The following DPH6 variants were observed in gnomAD, a reference collection of about 807,000 sequenced individuals.
DPH6 encodes diphthine--ammonia ligase.
A neutral mutation model predicts 38.2 loss-of-function variants in DPH6; 33 were observed. That is an observed-to-expected ratio of 0.86 (90% CI 0.65 to 1.15). The LOEUF (loss-of-function observed/expected upper bound fraction) is 1.15. Ranked by LOEUF, DPH6 falls within the 50% of genes most tolerant of loss-of-function variation. DPH6 has a pLI of 0.00. For synonymous variants in DPH6, 108 were observed against 103.0 expected (o/e 1.05, Z -0.30); for missense variants, 325 against 320.0 (o/e 1.02, Z -0.12).
At chr15:35,409,754 A>C (rs1265743326) in intron 6 of DPH6, among the ~76,000 whole-genome samples, 3 of 151,960 alleles carry the variant, frequency 2.0e-5, no homozygotes, top group Non-Finnish European at 4.4e-5. Context: ...CCTATCACAT[A>C]AGCATAGAAA....
intron 3 of DPH6, among the ~76,000 whole-genome samples, chr15:35,528,095 A>G (rs1258658829): frequency 6.6e-6 from 1 of 152,190 alleles, no homozygotes; most frequent in Admixed American, 6.6e-5. Flanking sequence ...TATCAAAAAT[A>G]ATGCAATAAT....
Position 35,373,593 on chromosome 15 carries a change from T to C in DPH6, c.678A>G (p.Val226=), listed in dbSNP as rs758533222. 1 of 1,608,416 alleles carries C rather than the reference T, an allele frequency of 6.2e-7. No individual in the cohort carries two copies. The highest frequency in any genetic ancestry group is 1.1e-5 in the South Asian group (1 of 90,124). Residue 226 remains valine, a synonymous_variant, in exon 8 of 9, where the codon GTA becomes GTG. Coordinates refer to ENST00000256538, the MANE Select transcript of DPH6 (RefSeq NM_080650.4). ...CAAATGCATCAGCTGAATGTATGAC[T>C]ACTTCTGATGAATCCCTGAAATACA... ...KKKIIVDSSE[V]VIHSADAFAP...
At chr15:35,295,602 C>T (rs2052009437) in intron 3 of DPH6, among the ~76,000 whole-genome samples, 1 of 152,176 alleles carries the variant, frequency 6.6e-6, no homozygotes, top group African/African-American at 2.4e-5. Flanking sequence ...ATCCATCTGA[C>T]ACTGTGGACT....
At chr15:35,234,813 G>T (rs1163136151) in intron 3 of DPH6, among the ~76,000 whole-genome samples, 1 of 152,184 alleles carries the variant, frequency 6.6e-6, no homozygotes, top group Non-Finnish European at 1.5e-5. Context: ...CTTGGTGCTT[G>T]GTGGTATGGG....
At chr15:35,285,144 T>C (rs932555001) in intron 3 of DPH6, among the ~76,000 whole-genome samples, 1 of 152,156 alleles carries the variant, frequency 6.6e-6, no homozygotes, top group Non-Finnish European at 1.5e-5. Context: ...ATTTGAGATA[T>C]CTCCCTGGTC....
intron 6 of DPH6, among the ~76,000 whole-genome samples, chr15:35,406,738 T>C (rs943571314): frequency 2.0e-5 from 3 of 151,956 alleles, no homozygotes; most frequent in Non-Finnish European, 4.4e-5. Flanking sequence ...AAAAATGGCA[T>C]AGATAAGTTA....
In DPH6 at chr15:35,241,019, A is replaced by C. The variant is rs546573205; in HGVS notation, n.201-20437T>G. Among the ~76,000 whole-genome samples the C allele has an allele frequency of 2.8e-5, 4 of 143,314 alleles. 1 individual carries two copies. In the East Asian group the frequency reaches 8.8e-4, roughly 31 times the overall value. The allele number at this position is 143,314 out of a possible 152,430, so 94.0% of individuals were successfully genotyped here. On this transcript the variant is annotated intron_variant and non_coding_transcript_variant, in intron 3 of 3. Transcript: ENST00000560386. The stretch of plus-strand genomic sequence containing the variant: ...CCGCAGCGGCCAGGTGTTCCTCCAG[A>C]ACCTCCTCCCACAGGAGCTTGCTAC...
intron 3 of DPH6, among the ~76,000 whole-genome samples, chr15:35,362,186 G>A (rs140705958): frequency 6.6e-6 from 1 of 152,310 alleles, no homozygotes; most frequent in Non-Finnish European, 1.5e-5. Context: ...TTCACAAGGA[G>A]AGAAGTTTTC....
At chr15:35,216,787 GTA>G (rs2051412650), downstream of DPH6, among the ~76,000 whole-genome samples, 1 of 152,190 alleles carries the variant, frequency 6.6e-6, no homozygotes, top group South Asian at 2.1e-4. Context: ...CAGTAAAAAG[GTA>G]CCACAATTGA....
chr15:35,473,953 T>C (rs1434058955), intron 3 of DPH6, among the ~76,000 whole-genome samples: 33 of 25,062 alleles, frequency 1.3e-3, no homozygotes, highest in East Asian at 4.3e-3. Flanking sequence ...TGTGTGTGTG[T>C]GTGTGCGCGC....
chr15:35,375,707 T>C (rs2052770206), intron 7 of DPH6, among the ~76,000 whole-genome samples: 1 of 152,108 alleles, frequency 6.6e-6, no homozygotes, highest in Admixed American at 6.6e-5. Flanking sequence ...CTTTCATTAC[T>C]ACACTAGGCT....
At chr15:35,523,486 T>C (rs1170270499) in intron 3 of DPH6, among the ~76,000 whole-genome samples, 1 of 151,884 alleles carries the variant, frequency 6.6e-6, no homozygotes, top group African/African-American at 2.4e-5. Context: ...TTTATAACAT[T>C]ATATTATAGA....
chr15:35,483,133 G>C (rs1367508679), intron 3 of DPH6, among the ~76,000 whole-genome samples: 1 of 151,982 alleles, frequency 6.6e-6, no homozygotes, highest in African/African-American at 2.4e-5. Flanking sequence ...TATATAAAAA[G>C]ATACTCAGCA....
chr15:35,507,536 A>G (rs1566934782), intron 3 of DPH6, among the ~76,000 whole-genome samples: 2 of 152,130 alleles, frequency 1.3e-5, no homozygotes, highest in African/African-American at 4.8e-5. Flanking sequence ...TGAAATAAAA[A>G]TTAACATTAA....
chr15:35,522,800 T>C (rs915517259), intron 3 of DPH6, among the ~76,000 whole-genome samples: 1 of 152,126 alleles, frequency 6.6e-6, no homozygotes, highest in African/African-American at 2.4e-5. Context: ...AGACTTAAAA[T>C]ATATCCTACA....
At chr15:35,541,545 T>C (rs530931680) in intron 2 of DPH6, among the ~76,000 whole-genome samples, 1 of 152,210 alleles carries the variant, frequency 6.6e-6, no homozygotes, top group Admixed American at 6.5e-5. Context: ...CGACTGATGT[T>C]CTCACATACA....
intron 3 of DPH6, among the ~76,000 whole-genome samples, chr15:35,351,706 T>C (rs1273792027): frequency 1.3e-5 from 2 of 151,908 alleles, no homozygotes; most frequent in African/African-American, 4.8e-5. Context: ...TTTTATGTAA[T>C]TGATGTCAGA....
intron 3 of DPH6, among the ~76,000 whole-genome samples, chr15:35,522,748 A>G (rs2054940068): frequency 6.6e-6 from 1 of 152,004 alleles, no homozygotes. Context: ...AAAAACACCG[A>G]AAAATTAAAT....
At position 35,354,071 on chromosome 15, in the gene DPH6, G is replaced by T. The variant is rs1270082605; in HGVS notation, n.207+19450C>A. On this transcript the variant is annotated intron_variant and non_coding_transcript_variant, in intron 3 of 3. Coordinates refer to the DPH6 transcript ENST00000558973. ...TGAATGGGAGTTCACTCATGATTTG[G>T]CTCTCTGTTTGTCTATTATTGGTGT... is the stretch of plus-strand genomic sequence containing the variant. 3.3e-5 allele frequency among the ~76,000 whole-genome samples: 5 copies of T among 152,156 alleles called. No individual in the cohort carries two copies. The East Asian group carries it at 9.7e-4, about 29-fold the overall frequency.
Sources: gnomAD v4.1 joint callset for allele counts (sites outside exome capture counted in the v4.1 genomes callset) on GRCh38, gnomAD v4.1.1 for gene constraint, MANE v1.5 for transcripts, NCBI Gene and HGNC (gene_info 2026-07-23, HGNC 2026-07-21) for gene names.